CSMD1: variants seen among roughly 807,000 people sequenced by gnomAD.
CSMD1 encodes the protein CUB and Sushi multiple domains 1, also known as CUB and sushi domain-containing protein 1.
A neutral mutation model predicts 417.5 loss-of-function variants in CSMD1; 213 were observed. That is an observed-to-expected ratio of 0.51 (90% CI 0.46 to 0.57). The LOEUF is 0.57. Among genes scored for constraint, CSMD1 ranks in the 20% least tolerant of loss-of-function variants. The pLI is 0.00. For synonymous variants in CSMD1, 2,862 were observed against 1,736.8 expected (o/e 1.65, Z -16.11); for missense variants, 6,923 against 4,529.7 (o/e 1.53, Z -15.17).
intron 3 of CSMD1, among the ~76,000 whole-genome samples, chr8:4,338,783 A>C (rs922211929): frequency 3.3e-5 from 5 of 152,066 alleles, no homozygotes; most frequent in African/African-American, 1.2e-4. Flanking sequence ...AATGAATCAT[A>C]TTGATATTAG....
At chr8:3,556,847 C>T (rs978811481) in intron 10 of CSMD1, among the ~76,000 whole-genome samples, 1 of 151,526 alleles carries the variant, frequency 6.6e-6, no homozygotes, top group Non-Finnish European at 1.5e-5. Flanking sequence ...TAGGGCTTAC[C>T]CCCTCTGGAC....
chr8:4,556,998 T>C (rs17070607), intron 2 of CSMD1, among the ~76,000 whole-genome samples: 2,824 of 152,328 alleles, frequency 0.019, 71 homozygotes, highest in East Asian at 0.058. Flanking sequence ...TCTGAATTTC[T>C]AAAATTGAGA....
At chr8:3,692,939 A>T (rs758106303) in intron 7 of CSMD1, among the ~76,000 whole-genome samples, 21 of 152,208 alleles carry the variant, frequency 1.4e-4, no homozygotes, top group Non-Finnish European at 2.8e-4. Context: ...AGGGTAAAAA[A>T]AAGTGATCCT....
chr8:3,038,826 T>C (rs185603113), intron 50 of CSMD1, among the ~76,000 whole-genome samples: 2 of 152,316 alleles, frequency 1.3e-5, no homozygotes, highest in Admixed American at 1.3e-4. Context: ...CCTTAAACCT[T>C]AATGCTATTA....
At chr8:4,901,011 G>A (rs1804835022) in intron 1 of CSMD1, among the ~76,000 whole-genome samples, 1 of 152,206 alleles carries the variant, frequency 6.6e-6, no homozygotes, top group Non-Finnish European at 1.5e-5. Flanking sequence ...CTATTTGAAA[G>A]TAAAGAATGC....
At chr8:4,063,069 G>C (rs1404714918) in intron 3 of CSMD1, among the ~76,000 whole-genome samples, 2 of 152,106 alleles carry the variant, frequency 1.3e-5, no homozygotes, top group Admixed American at 6.5e-5. Context: ...ATATGAGAGA[G>C]AAGAAAAACG....
intron 3 of CSMD1, among the ~76,000 whole-genome samples, chr8:4,158,552 G>A (rs1031883484): frequency 6.6e-6 from 1 of 152,128 alleles, no homozygotes; most frequent in East Asian, 1.9e-4. Context: ...GCTAGGTTGT[G>A]TCCTAGGTTC....
intron 5 of CSMD1, among the ~76,000 whole-genome samples, chr8:3,767,067 G>A (rs1042410690): frequency 1.3e-5 from 2 of 152,162 alleles, no homozygotes; most frequent in Non-Finnish European, 2.9e-5. Flanking sequence ...CAGCATCACT[G>A]CCTGCCTCCT....
intron 1 of CSMD1, among the ~76,000 whole-genome samples, chr8:4,756,179 T>A (rs1297032567): frequency 6.6e-6 from 1 of 152,238 alleles, no homozygotes; most frequent in Non-Finnish European, 1.5e-5. Context: ...CACACACATT[T>A]CTGGAAAACT....
intron 6 of CSMD1, among the ~76,000 whole-genome samples, chr8:3,715,172 G>C (rs1435659948): frequency 6.6e-6 from 1 of 151,920 alleles, no homozygotes; most frequent in African/African-American, 2.4e-5. Context: ...ATTATTTTTT[G>C]CAAATTATTC....
intron 1 of CSMD1, among the ~76,000 whole-genome samples, chr8:4,925,427 A>G (rs1806790818): frequency 6.6e-6 from 1 of 151,762 alleles, no homozygotes; most frequent in African/African-American, 2.4e-5. Flanking sequence ...TACCTTTCCT[A>G]CAGAACTTAC....
intron 2 of CSMD1, among the ~76,000 whole-genome samples, chr8:4,474,950 C>A (rs937059630): frequency 1.3e-5 from 2 of 152,110 alleles, no homozygotes; most frequent in African/African-American, 4.8e-5. Context: ...TTTGTGTTAT[C>A]TGTAAGATTC....
chr8:4,002,007 T>C (rs140965595), intron 4 of CSMD1, among the ~76,000 whole-genome samples: 134 of 152,278 alleles, frequency 8.8e-4, no homozygotes, highest in African/African-American at 3.1e-3. Flanking sequence ...AAATAATATA[T>C]GCAAGATATA....
chr8:3,528,458 G>A (rs746970768), intron 10 of CSMD1, among the ~76,000 whole-genome samples: 1 of 152,156 alleles, frequency 6.6e-6, no homozygotes, highest in East Asian at 1.9e-4. Flanking sequence ...TCTATGCCTT[G>A]CTTCAGCTTC....
intron 2 of CSMD1, among the ~76,000 whole-genome samples, chr8:4,581,968 T>C (rs2130699804): frequency 6.6e-6 from 1 of 152,114 alleles, no homozygotes; most frequent in Non-Finnish European, 1.5e-5. Context: ...AAGCATTTGA[T>C]GGAAGACAAA....
chr8:4,126,494 C>T (rs1009752330), intron 3 of CSMD1, among the ~76,000 whole-genome samples: 1 of 152,176 alleles, frequency 6.6e-6, no homozygotes, highest in South Asian at 2.1e-4. Flanking sequence ...CCTCCATGGG[C>T]ACACTGGAAG....
At chr8:3,110,739 A>G (rs551114601) in intron 42 of CSMD1, among the ~76,000 whole-genome samples, 1 of 152,310 alleles carries the variant, frequency 6.6e-6, no homozygotes, top group Non-Finnish European at 1.5e-5. Context: ...CCCTATTTAT[A>G]AGCCATCTGA....
chr8:4,533,214 C>G (rs1486580240), intron 2 of CSMD1, among the ~76,000 whole-genome samples: 2 of 152,158 alleles, frequency 1.3e-5, no homozygotes, highest in Non-Finnish European at 2.9e-5. Context: ...ACATTTTAAA[C>G]ATGTAAAGAG....
chr8:4,852,317 C>T (rs1483853475), intron 1 of CSMD1, among the ~76,000 whole-genome samples: 1 of 152,116 alleles, frequency 6.6e-6, no homozygotes, highest in Non-Finnish European at 1.5e-5. Context: ...TAGATGGCTT[C>T]CTGCTATCCT....
Sources: allele counts gnomAD v4.1 joint callset (sites outside exome capture counted in the v4.1 genomes callset), GRCh38; gene constraint gnomAD v4.1.1; transcripts MANE v1.5; gene names NCBI Gene and HGNC (gene_info 2026-07-23, HGNC 2026-07-21).